TRPC1: variants seen among roughly 807,000 people sequenced by gnomAD.
TRPC1 encodes short transient receptor potential channel 1.
TRPC1 carries 42 observed loss-of-function variants against 88.2 expected under a neutral mutation model. The observed-to-expected ratio is 0.48, with a 90% confidence interval of 0.37 to 0.62. The LOEUF is 0.62. Among genes scored for constraint, TRPC1 ranks in the 20% least tolerant of loss-of-function variants. The pLI, the probability that TRPC1 is intolerant of heterozygous loss-of-function variation, is 0.00. For missense variants in TRPC1, 699 were observed against 957.3 expected (o/e 0.73, Z 3.56); for synonymous variants, 288 against 331.8 (o/e 0.87, Z 1.43).
At chr3:142,777,313 A>T (rs1935812429) in intron 4 of TRPC1, among the ~76,000 whole-genome samples, 1 of 152,212 alleles carries the variant, frequency 6.6e-6, no homozygotes, top group South Asian at 2.1e-4. Context: ...AGTTAAAAAA[A>T]AGTTGGTCCA....
intron 1 of TRPC1, among the ~76,000 whole-genome samples, chr3:142,725,601 T>C (rs1933642400): frequency 6.6e-6 from 1 of 150,760 alleles, no homozygotes; most frequent in African/African-American, 2.5e-5. Context: ...GGATAGGAAA[T>C]TGATTGCCCT....
chr3:142,755,110 A>C (rs1185746686), intron 4 of TRPC1, among the ~76,000 whole-genome samples: 1 of 152,130 alleles, frequency 6.6e-6, no homozygotes, highest in Non-Finnish European at 1.5e-5. Flanking sequence ...CTTAATGGTT[A>C]ACATTACCAT....
intron 4 of TRPC1, among the ~76,000 whole-genome samples, chr3:142,765,669 C>T (rs940470796): frequency 6.6e-6 from 1 of 152,032 alleles, no homozygotes; most frequent in Non-Finnish European, 1.5e-5. Context: ...AAAATTAACT[C>T]AAGGTGGATT....
In TRPC1 at chr3:142,724,425, G is replaced by A. The variant is rs1045602617; in HGVS notation, c.-135G>A. 1.2e-6 allele frequency: 1 copy of A among 814,028 alleles called. No individual in the cohort carries two copies. Among genetic ancestry groups the A allele is most frequent in the African/African-American group, 1.8e-5 (1 of 54,956 alleles). The allele number at this position is 814,028 out of a possible 1,614,324, so 50.4% of individuals were successfully genotyped here. A position where few individuals can be genotyped will look rare whatever the true frequency, so the allele number is the denominator to read the frequency against. ...GGAGGCGACGCCCTTCGGGGCCAAC[G>A]GGCCTCGAGCCGAGGCAGCAGTGGG... is the stretch of plus-strand genomic sequence containing the variant. On this transcript the variant is annotated 5_prime_UTR_variant, in exon 1 of 13. Transcript: ENST00000476941. The surrounding 1 kb of genome is among the most constrained non-coding windows in gnomAD (Gnocchi z 5.6).
intron 4 of TRPC1, among the ~76,000 whole-genome samples, chr3:142,756,678 T>C (rs781585672): frequency 6.6e-6 from 1 of 152,148 alleles, no homozygotes; most frequent in Non-Finnish European, 1.5e-5. Context: ...TGGTTCTAAT[T>C]CTGCCACATA....
rs1936081219 is a variant in TRPC1 at position 142,784,839 on chromosome 3, C to G, written c.1096C>G (p.Leu366Val). 2.5e-6 allele frequency: 4 copies of G among 1,614,028 alleles called. No individual in the cohort carries two copies. The highest frequency in any genetic ancestry group is 1.3e-5 in the African/African-American group (1 of 74,934). Reference sequence around the variant, plus strand: ...AGGCATCTTTTGGCCAGTTTTGTCACTTTGTTATTTGATAGCTCCCAAATC... The same window carrying G: ...AGGCATCTTTTGGCCAGTTTTGTCAGTTTGTTATTTGATAGCTCCCAAATC... ...TVGIFWPVLSLCYLIAPKSQF... is the reference protein window; with the variant it reads ...TVGIFWPVLSVCYLIAPKSQF... The change falls in exon 7 of 13, where the codon CTT (leucine) becomes GTT (valine). Residue 366 changes from leucine to valine, a missense_variant. By Grantham distance (32) the Leu-to-Val change is conservative. Coordinates refer to ENST00000476941, the MANE Select transcript of TRPC1 (RefSeq NM_001251845.2).
intron 2 of TRPC1, among the ~76,000 whole-genome samples, chr3:142,741,527 G>T (rs1360471768): frequency 3.9e-5 from 6 of 152,158 alleles, no homozygotes; most frequent in Non-Finnish European, 1.5e-5. Context: ...GTTGTGCATT[G>T]ATAGTGATTT....
At chr3:142,789,228 A>G (rs1160561377) in intron 7 of TRPC1, among the ~76,000 whole-genome samples, 1 of 152,134 alleles carries the variant, frequency 6.6e-6, no homozygotes, top group Non-Finnish European at 1.5e-5. Context: ...TTTGTTTAAT[A>G]TGTTTCTGCT....
chr3:142,801,092 C>T (rs977624498), intron 9 of TRPC1: 7 of 151,776 alleles, frequency 4.6e-5, no homozygotes, highest in Non-Finnish European at 7.4e-5. Context: ...AAATGGGGGC[C>T]GTTCTACATA....
intron 10 of TRPC1, 59 bp downstream of exon 10, chr3:142,802,403 C>G: frequency 8.6e-7 from 1 of 1,158,232 alleles, no homozygotes; most frequent in Non-Finnish European, 1.1e-6. Context: ...TTACCATCTT[C>G]TATATGAATT....
intron 4 of TRPC1, among the ~76,000 whole-genome samples, chr3:142,772,951 A>T (rs1577983459): frequency 6.6e-6 from 1 of 152,110 alleles, no homozygotes; most frequent in Non-Finnish European, 1.5e-5. Flanking sequence ...TTCACATGAC[A>T]TTCTCCCTGT....
At chr3:142,770,061 G>GTTGTATATATAAAA (rs1278963448) in intron 4 of TRPC1, among the ~76,000 whole-genome samples, 1 of 134,678 alleles carries the variant, frequency 7.4e-6, no homozygotes, top group Non-Finnish European at 1.6e-5. Flanking sequence ...TCTGTTGTTA[G>GTTGTATATATAAAA]TTGTATATAT....
chr3:142,734,786 AT>A (rs917840371), intron 1 of TRPC1, among the ~76,000 whole-genome samples: 2 of 149,174 alleles, frequency 1.3e-5, no homozygotes, highest in African/African-American at 5.0e-5. Flanking sequence ...AAAAATAAAA[AT>A]AAAAAAAAAA....
At position 142,724,657 on chromosome 3, in the gene TRPC1, C is replaced by G. The variant is rs1467904778; in HGVS notation, c.98C>G (p.Ala33Gly). The G allele has an allele frequency of 6.2e-7, 1 of 1,612,780 alleles. No individual in the cohort carries two copies. The highest frequency in any genetic ancestry group is 1.1e-5 in the South Asian group (1 of 91,036). ...TCTTCCTCGCCGAACGAGGTGATGG[C>G]GCTGAAGGATGTGCGGGAGGTGAAG... ...PSSSSPNEVM[A>G]LKDVREVKEE... is the part of the protein sequence containing the mutation. The change falls in exon 1 of 13, where the codon GCG becomes GGG. Residue 33 changes from alanine to glycine, a missense_variant. By Grantham distance (60) the Ala-to-Gly change is moderately conservative (BLOSUM62 0). Transcript: ENST00000476941. This position sits in a 1 kb window ranked among gnomAD's most constrained non-coding sequence, Gnocchi z 5.6.
intron 7 of TRPC1, among the ~76,000 whole-genome samples, chr3:142,785,738 A>T (rs1936114574): frequency 6.6e-6 from 1 of 152,214 alleles, no homozygotes; most frequent in East Asian, 1.9e-4. Flanking sequence ...TGACTTCGTA[A>T]TCCTCCTGCC....
In TRPC1 at chr3:142,751,922, C is replaced by A. The variant is rs117310135; in HGVS notation, c.632+3462C>A. On this transcript the variant is annotated intron_variant, in intron 4 of 12. Coordinates refer to ENST00000476941, the MANE Select transcript of TRPC1 (RefSeq NM_001251845.2). ...GATCTGTGTTTCTCTTTGATAAGAT[C>A]TGGTTGATAGCGATGGCTACATCAC... 5.6e-4 allele frequency among the ~76,000 whole-genome samples: 85 copies of A among 152,270 alleles called. 1 individual carries two copies. In the East Asian group the frequency reaches 9.8e-3, roughly 18 times the overall value.
At chr3:142,804,310 A>C (rs918725338) in intron 11 of TRPC1, 126 bp from the exon 12 acceptor site, 1 of 1,161,510 alleles carries the variant, frequency 8.6e-7, no homozygotes, top group Non-Finnish European at 1.2e-6. Flanking sequence ...ATAGATTTTT[A>C]AAATGTAAGT....
At chr3:142,784,354 G>A (rs574443024) in intron 6 of TRPC1, among the ~76,000 whole-genome samples, 2 of 133,618 alleles carry the variant, frequency 1.5e-5, no homozygotes, top group South Asian at 2.2e-4. Flanking sequence ...TGAACCAGGC[G>A]CTATTCTGAG....
At chr3:142,731,314 T>C (rs984748067) in intron 1 of TRPC1, among the ~76,000 whole-genome samples, 1 of 151,836 alleles carries the variant, frequency 6.6e-6, no homozygotes, top group African/African-American at 2.4e-5. Context: ...CAGTAGAAAT[T>C]TGGCCTTTAT....
Sources: gnomAD v4.1 joint callset for allele counts (sites outside exome capture counted in the v4.1 genomes callset) on GRCh38, gnomAD v4.1.1 for gene constraint, Gnocchi (gnomAD v3.1) non-coding constraint, MANE v1.5 for transcripts, NCBI Gene and HGNC (gene_info 2026-07-23, HGNC 2026-07-21) for gene names.